The following RAB7A variants were observed in gnomAD, a reference collection of about 807,000 sequenced individuals.
RAB7A encodes the protein ras-related protein Rab-7a.
Under a neutral mutation model 24.5 loss-of-function variants are expected in RAB7A, and 2 were observed. The ratio of observed to expected loss-of-function variants is 0.08; its 90% confidence interval spans 0.03 to 0.26. The LOEUF is 0.26. Ranked by LOEUF, RAB7A falls within the 10% of genes least tolerant of loss-of-function variation. The pLI is 1.00. For missense variants in RAB7A, 118 were observed against 255.7 expected (o/e 0.46, Z 3.67); for synonymous variants, 100 against 95.9 (o/e 1.04, Z -0.25).
At chr3:128,739,248 G>A (rs941536146) in intron 1 of RAB7A, among the ~76,000 whole-genome samples, 2 of 152,278 alleles carry the variant, frequency 1.3e-5, no homozygotes, top group Middle Eastern at 3.4e-3. Context: ...GGTGGCTCAC[G>A]CCTGTAATCT....
Position 128,813,715 on chromosome 3 carries a change from G to T in RAB7A, c.*293G>T. The T allele has an allele frequency of 2.2e-6, 1 of 464,730 alleles. No homozygotes were observed. Among genetic ancestry groups the T allele is most frequent in the Non-Finnish European group, 4.0e-6 (1 of 249,090 alleles). The allele number at this position is 464,730 out of a possible 1,614,324, so 28.8% of individuals were successfully genotyped here. A position where few individuals can be genotyped will look rare whatever the true frequency, so the allele number is the denominator to read the frequency against. On this transcript the variant is annotated 3_prime_UTR_variant, in exon 6 of 6. Transcript: ENST00000265062. ...GCCCGCGAGTATGGCAGCAGGACAAGCCAGCGGTGGAAGTCATTCTGATAT... is the reference window on the plus strand; with the variant it reads ...GCCCGCGAGTATGGCAGCAGGACAATCCAGCGGTGGAAGTCATTCTGATAT...
intron 3 of RAB7A, among the ~76,000 whole-genome samples, chr3:128,803,526 A>G (rs1014855973): frequency 3.3e-5 from 5 of 152,184 alleles, no homozygotes; most frequent in Admixed American, 1.3e-4. Flanking sequence ...ACATAGACAT[A>G]TGCAGCAATC....
At position 128,778,308 on chromosome 3, in the gene RAB7A, T is replaced by C. The variant is rs527763982; in HGVS notation, c.-8-17052T>C. ...TTTAAACTAGTTTTCTCAATTTTTT[T>C]CATTATTGTACCTCTCTTTTACCCC... On this transcript the variant is annotated intron_variant, in intron 1 of 5. Transcript: ENST00000265062. Among the ~76,000 whole-genome samples the C allele has an allele frequency of 2.6e-5, 4 of 152,352 alleles. No homozygotes were observed. In the East Asian group the frequency reaches 7.7e-4, roughly 29 times the overall value.
At chr3:128,784,214 C>G (rs919606875) in intron 1 of RAB7A, among the ~76,000 whole-genome samples, 1 of 152,194 alleles carries the variant, frequency 6.6e-6, no homozygotes, top group African/African-American at 2.4e-5. Context: ...TGTCTAAAAT[C>G]AAACACAATT....
At chr3:128,804,802 A>G (rs1933767032) in intron 3 of RAB7A, among the ~76,000 whole-genome samples, 3 of 152,194 alleles carry the variant, frequency 2.0e-5, no homozygotes, top group African/African-American at 7.2e-5. Context: ...TCTCTATGCT[A>G]ATGTTCATTG....
At chr3:128,805,173 A>G (rs932467972) in intron 3 of RAB7A, among the ~76,000 whole-genome samples, 1 of 152,182 alleles carries the variant, frequency 6.6e-6, no homozygotes, top group Non-Finnish European at 1.5e-5. Context: ...CCACTGACAG[A>G]GATGCATACA....
chr3:128,788,427 G>A (rs772470652), intron 1 of RAB7A, among the ~76,000 whole-genome samples: 1 of 151,398 alleles, frequency 6.6e-6, no homozygotes, highest in Non-Finnish European at 1.5e-5. Context: ...AAAGGTAAAA[G>A]CCACAGTATA....
At chr3:128,764,320 T>A (rs2070806049) in intron 1 of RAB7A, 1 of 574,912 alleles carries the variant, frequency 1.7e-6, no homozygotes, top group Non-Finnish European at 3.1e-6. Context: ...CCAAATTTCT[T>A]TATTTGAAGG....
At chr3:128,742,739 A>G (rs559040979) in intron 1 of RAB7A, among the ~76,000 whole-genome samples, 7 of 152,106 alleles carry the variant, frequency 4.6e-5, no homozygotes, top group Non-Finnish European at 8.8e-5. Flanking sequence ...AGCTAGACAT[A>G]AAGGTTCTCC....
intron 1 of RAB7A, among the ~76,000 whole-genome samples, chr3:128,744,928 T>C (rs993150201): frequency 1.3e-5 from 2 of 150,990 alleles, no homozygotes; most frequent in Non-Finnish European, 3.0e-5. Context: ...GGCTGGAGTT[T>C]AGTGGTGCGA....
intron 1 of RAB7A, among the ~76,000 whole-genome samples, chr3:128,755,276 G>A (rs532187380): frequency 2.6e-5 from 4 of 151,722 alleles, no homozygotes; most frequent in African/African-American, 7.3e-5. Flanking sequence ...AATCACAAGG[G>A]CAATTAGAAA....
chr3:128,749,169 G>T (rs2070650635), intron 1 of RAB7A: 1 of 152,212 alleles, frequency 6.6e-6, no homozygotes, highest in Admixed American at 6.5e-5. Flanking sequence ...TGCAGGAACT[G>T]GCCTCAGGTC....
At chr3:128,785,955 G>A (rs1242113263) in intron 1 of RAB7A, among the ~76,000 whole-genome samples, 4 of 152,002 alleles carry the variant, frequency 2.6e-5, no homozygotes, top group East Asian at 1.9e-4. Context: ...CCTACTTCCC[G>A]AGTGCCCCCA....
intron 1 of RAB7A, among the ~76,000 whole-genome samples, chr3:128,779,082 A>G (rs1160454036): frequency 2.6e-5 from 4 of 152,206 alleles, no homozygotes; most frequent in Admixed American, 6.5e-5. Context: ...GACCAAGTAT[A>G]TCGACTAATA....
chr3:128,729,494 C>T (rs1425250864), intron 1 of RAB7A, among the ~76,000 whole-genome samples: 1 of 150,696 alleles, frequency 6.6e-6, no homozygotes, highest in Non-Finnish European at 1.5e-5. Context: ...GGCGTGAACC[C>T]AGGAGGCAGG....
intron 3 of RAB7A, among the ~76,000 whole-genome samples, chr3:128,803,867 AGT>A (rs1308655047): frequency 2.0e-5 from 3 of 151,576 alleles, no homozygotes; most frequent in Non-Finnish European, 2.9e-5. Context: ...TAAAAATAAC[AGT>A]GTTAATTTTT....
At chr3:128,737,641 TTCTG>T (rs777266959) in intron 1 of RAB7A, among the ~76,000 whole-genome samples, 16 of 150,760 alleles carry the variant, frequency 1.1e-4, no homozygotes, top group Non-Finnish European at 2.1e-4. Context: ...CCACCTATCT[TTCTG>T]TCTCTCTTTT....
At chr3:128,755,441 A>G in intron 1 of RAB7A, among the ~76,000 whole-genome samples, 1 of 152,214 alleles carries the variant, frequency 6.6e-6, no homozygotes, top group East Asian at 1.9e-4. Flanking sequence ...AACTTTTTAC[A>G]CCTTAACAAA....
At chr3:128,771,251 G>A (rs1216663514) in intron 1 of RAB7A, among the ~76,000 whole-genome samples, 3 of 152,212 alleles carry the variant, frequency 2.0e-5, no homozygotes, top group South Asian at 2.1e-4. Context: ...GATTACAGGC[G>A]TGAGCCACTG....
Sources: gnomAD v4.1 joint callset for allele counts (sites outside exome capture counted in the v4.1 genomes callset) on GRCh38, gnomAD v4.1.1 for gene constraint, MANE v1.5 for transcripts, NCBI Gene and HGNC (gene_info 2026-07-23, HGNC 2026-07-21) for gene names.